The following UBE4A variants were observed in gnomAD, a reference collection of about 807,000 sequenced individuals.
UBE4A encodes ubiquitination factor E4A, also known as ubiquitin conjugation factor E4 A.
A neutral mutation model predicts 117.9 loss-of-function variants in UBE4A; 48 were observed. The observed-to-expected ratio is 0.41, with a 90% CI of 0.32 to 0.52. UBE4A has a LOEUF of 0.52. Among genes scored for constraint, UBE4A ranks in the 20% least tolerant of loss-of-function variants. UBE4A has a pLI of 0.33. For synonymous variants in UBE4A, 407 were observed against 450.0 expected (o/e 0.90, Z 1.21); for missense variants, 1,067 against 1,296.3 (o/e 0.82, Z 2.72).
chr11:118,394,760 C>T (rs1217481365), intron 19 of UBE4A, among the ~76,000 whole-genome samples: 2 of 145,360 alleles, frequency 1.4e-5, no homozygotes, highest in East Asian at 2.1e-4. Context: ...GGTGACAGAG[C>T]GAGACTCGTC....
Position 118,397,635 on chromosome 11 carries a change from A to G in UBE4A, c.*1195A>G, listed in dbSNP as rs1166712303. 6.6e-6 allele frequency: 1 copy of G among 152,218 alleles called. No individual in the cohort carries two copies. The highest frequency in any genetic ancestry group is 2.4e-5 in the African/African-American group (1 of 41,456). 9.4% of individuals were successfully genotyped at this position (152,218 alleles called of 1,614,324 possible). A position where few individuals can be genotyped will look rare whatever the true frequency, so the allele number is the denominator to read the frequency against. On this transcript the variant is annotated 3_prime_UTR_variant, in exon 20 of 20. Transcript: ENST00000252108. ...GCTCACTACTCAATTGTGCAGCTTA[A>G]TATGCTGACTAGGGACATTCCCCTA... is the stretch of plus-strand genomic sequence containing the variant.
chr11:118,398,210 GAAAATGGGCACA>G lies in UBE4A; in HGVS notation c.*1775_*1786del, dbSNP rs1380184527. On this transcript the variant is annotated 3_prime_UTR_variant, in exon 20 of 20. Coordinates refer to ENST00000252108, the MANE Select transcript of UBE4A (RefSeq NM_001204077.2). ...AGAGTTTTTCAGGAGAAAACTGGAG[GAAAATGGGCACA>G]AAAACTCAGAAGGCAGCTATTCCCA... 2.0e-5 allele frequency: 3 copies of G among 152,484 alleles called. No individual in the cohort carries two copies. The highest frequency in any genetic ancestry group is 4.4e-5 in the Non-Finnish European group (3 of 68,022). The allele number at this position is 152,484 out of a possible 1,614,324, so 9.4% of individuals were successfully genotyped here. A position where few individuals can be genotyped will look rare whatever the true frequency, so the allele number is the denominator to read the frequency against.
intron 10 of UBE4A, 33 bp from the exon 11 acceptor site, chr11:118,379,413 C>G: frequency 1.3e-6 from 2 of 1,594,008 alleles, no homozygotes; most frequent in Admixed American, 3.4e-5. Context: ...TCTGTTTTCC[C>G]TGACCCAGTC....
intron 18 of UBE4A, among the ~76,000 whole-genome samples, chr11:118,391,459 G>A (rs1288673132): frequency 6.6e-6 from 1 of 151,274 alleles, no homozygotes; most frequent in Non-Finnish European, 1.5e-5. Context: ...CTCCAGCCTG[G>A]GCAACAGAGC....
chr11:118,365,652 G>C (rs1591293716), intron 2 of UBE4A, among the ~76,000 whole-genome samples: 1 of 152,328 alleles, frequency 6.6e-6, no homozygotes, highest in East Asian at 1.9e-4. Context: ...TTGACCTGTA[G>C]GCAAATGAGA....
At chr11:118,393,250 C>T (rs1251658930) in intron 19 of UBE4A, among the ~76,000 whole-genome samples, 6 of 151,996 alleles carry the variant, frequency 3.9e-5, no homozygotes, top group African/African-American at 1.4e-4. Flanking sequence ...AACCCCGTCT[C>T]TACTAAAATA....
intron 11 of UBE4A, 121 bp downstream of exon 11, chr11:118,379,871 A>G (rs7949539): frequency 0.17 from 205,948 of 1,203,286 alleles, 22,906 homozygotes; most frequent in East Asian, 0.51. Flanking sequence ...TTTTGGAGAA[A>G]CAACTCAAAC....
intron 3 of UBE4A, 75 bp downstream of exon 3, chr11:118,368,879 G>A (rs1948586073): frequency 6.7e-7 from 1 of 1,486,872 alleles, no homozygotes; most frequent in Admixed American, 1.7e-5. Flanking sequence ...TTTGAAACTG[G>A]TTACAGCTAA....
chr11:118,373,024 A>G (rs1591297653), intron 6 of UBE4A, 62 bp from the exon 7 acceptor site: 2 of 1,304,644 alleles, frequency 1.5e-6, no homozygotes, highest in African/African-American at 1.5e-5. Context: ...GTAAAGAGCT[A>G]GTGTGTAAAG....
chr11:118,394,608 T>C (rs1236252471), intron 19 of UBE4A, among the ~76,000 whole-genome samples: 1 of 151,956 alleles, frequency 6.6e-6, no homozygotes, highest in African/African-American at 2.4e-5. Context: ...CCGTCTCTAC[T>C]AAAAATACAA....
chr11:118,386,506 A>G lies in UBE4A; in HGVS notation c.2481A>G (p.Glu827=). 1 of 1,609,768 alleles carries G rather than the reference A, an allele frequency of 6.2e-7. No individual in the cohort carries two copies. The highest frequency in any genetic ancestry group is 8.5e-7 in the Non-Finnish European group (1 of 1,178,740). The change falls in exon 16 of 20, where the codon GAA becomes GAG. Residue 827 remains glutamate (E), a synonymous_variant. Coordinates refer to ENST00000252108, the MANE Select transcript of UBE4A (RefSeq NM_001204077.2). ...DRGEWDSLTP[E]ARREKEAGLQ... Reference sequence around the variant, plus strand: ...GTGAATGGGATAGTCTGACTCCAGAAGCCCGCCGAGAAAAGGAGGCTGGCC... The same window carrying G: ...GTGAATGGGATAGTCTGACTCCAGAGGCCCGCCGAGAAAAGGAGGCTGGCC...
intron 18 of UBE4A, among the ~76,000 whole-genome samples, chr11:118,391,991 C>T (rs61900932): frequency 0.15 from 22,796 of 150,860 alleles, 2,253 homozygotes; most frequent in Non-Finnish European, 0.23. Context: ...TTTGGATTGT[C>T]TCTATGTTTG....
chr11:118,373,828 T>C, intron 8 of UBE4A, 143 bp downstream of exon 8: 1 of 1,058,478 alleles, frequency 9.4e-7, no homozygotes, highest in Non-Finnish European at 1.3e-6. Context: ...AAATTAAAAC[T>C]GGGCATGGTA....
At chr11:118,376,549 C>CTT (rs201730995) in intron 9 of UBE4A, 25 bp from the exon 10 acceptor site, 431 of 1,373,358 alleles carry the variant, frequency 3.1e-4, no homozygotes, top group Middle Eastern at 5.9e-4. Flanking sequence ...CATTTACCCT[C>CTT]TTTTTTTTTT....
Position 118,373,114 on chromosome 11 carries a change from A to G in UBE4A, c.750A>G (p.Glu250=). 1 of 1,614,072 alleles carries G rather than the reference A, an allele frequency of 6.2e-7. No homozygotes were observed. The highest frequency in any genetic ancestry group is 8.5e-7 in the Non-Finnish European group (1 of 1,179,994). The stretch of plus-strand genomic sequence containing the variant: ...TTGAAGATGTAACTGAGTTTCTGGA[A>G]GAGGTCATTGAAGCCTTGATATTGG... The part of the protein sequence containing the change: ...AHFEDVTEFL[E]EVIEALILDE... Residue 250 remains glutamate (E), a synonymous_variant, in exon 7 of 20, where the codon GAA becomes GAG. Coordinates refer to ENST00000252108, the MANE Select transcript of UBE4A (RefSeq NM_001204077.2).
chr11:118,368,852 G>A, intron 3 of UBE4A, 48 bp downstream of exon 3: 3 of 1,595,060 alleles, frequency 1.9e-6, no homozygotes, highest in Non-Finnish European at 2.6e-6. Flanking sequence ...ATTTGAGCTT[G>A]GGCTAGGGGC....
intron 19 of UBE4A, among the ~76,000 whole-genome samples, chr11:118,396,005 G>A (rs186567335): frequency 6.6e-6 from 1 of 151,978 alleles, no homozygotes; most frequent in Non-Finnish European, 1.5e-5. Context: ...CACCCAGGAG[G>A]CAGAGGTTGC....
At chr11:118,381,360 G>C in intron 11 of UBE4A, 31 bp from the exon 12 acceptor site, 1 of 1,612,838 alleles carries the variant, frequency 6.2e-7, no homozygotes, top group Non-Finnish European at 8.5e-7. Context: ...ACAGATGTTT[G>C]GCTAATTCCA....
intron 19 of UBE4A, among the ~76,000 whole-genome samples, chr11:118,394,844 G>T (rs1948854757): frequency 1.4e-5 from 2 of 146,594 alleles, no homozygotes; most frequent in Admixed American, 6.7e-5. Context: ...AATGGCACAT[G>T]CCTGTAGTCC....
Sources: allele counts gnomAD v4.1 joint callset (sites outside exome capture counted in the v4.1 genomes callset), GRCh38; gene constraint gnomAD v4.1.1; transcripts MANE v1.5; gene names NCBI Gene and HGNC (gene_info 2026-07-23, HGNC 2026-07-21).